The following FCSK variants were observed in gnomAD, a reference collection of about 807,000 sequenced individuals.
FCSK encodes fucose kinase, also known as L-fucose kinase.
FCSK carries 123 observed loss-of-function variants against 122.5 expected under a neutral mutation model. That is an observed-to-expected ratio of 1.00 (90% confidence interval 0.87 to 1.17). FCSK has a LOEUF of 1.17. Ranked by LOEUF, FCSK falls within the 50% of genes most tolerant of loss-of-function variation. The pLI, the probability that FCSK is intolerant of heterozygous loss-of-function variation, is 0.00. For synonymous variants in FCSK, 620 were observed against 625.5 expected, an observed-to-expected ratio of 0.99 and a Z score of 0.13; for missense variants, 1,366 against 1,450.4, an observed-to-expected ratio of 0.94 and a Z score of 0.95.
Position 70,467,908 on chromosome 16 carries a change from A to G in FCSK, c.605A>G (p.Tyr202Cys), listed in dbSNP as rs2048473639. ...TAGGGCCTTGTTTTGGACATTTACT[A>G]CCAGGGCACTGAGGCAGAGATTCAG... Reference protein sequence around the residue: ...DPQGLVLDIYYQGTEAEIQRC... With the variant: ...DPQGLVLDIYCQGTEAEIQRC... The change falls in exon 8 of 24, where the codon TAC becomes TGC. Residue 202 changes from tyrosine to cysteine, a missense_variant. Physicochemically the swap from Tyr to Cys is radical, Grantham distance 194. Coordinates refer to ENST00000288078, the MANE Select transcript of FCSK (RefSeq NM_145059.3). The G allele has an allele frequency of 1.2e-6, 2 of 1,613,996 alleles. No individual in the cohort carries two copies. The highest frequency in any genetic ancestry group is 1.7e-6 in the Non-Finnish European group (2 of 1,179,958).
At chr16:70,478,497 G>T (rs1256487048) in intron 21 of FCSK, 38 bp downstream of exon 21, 2 of 1,612,536 alleles carry the variant, frequency 1.2e-6, no homozygotes, top group Non-Finnish European at 8.5e-7. Flanking sequence ...GCAGGCAGGG[G>T]GCCTGCCAGC....
In FCSK at chr16:70,473,073, G is replaced by A. The variant is rs767661702; in HGVS notation, c.1497G>A (p.Glu499=). Residue 499 remains glutamate, a synonymous_variant, in exon 15 of 24, where the codon GAG becomes GAA. Transcript: ENST00000288078. The surrounding 1 kb of genome is among the most constrained non-coding windows in gnomAD (Gnocchi z 4.9). The part of the protein sequence containing the change: ...RLFPVLHPSR[E]LGPQDLLWML... ...TTCCTGTGCTCCACCCCTCGAGGGA[G>A]CTGGGACCCCAGGACCTGCTGTGGA... 5.0e-6 allele frequency: 8 copies of A among 1,590,926 alleles called. No individual in the cohort carries two copies. The highest frequency in any genetic ancestry group is 6.8e-6 in the Non-Finnish European group (8 of 1,169,602).
At position 70,464,929 on chromosome 16, in the gene FCSK, T is replaced by C; in HGVS notation, c.235-197T>C. 3.5e-6 allele frequency: 4 copies of C among 1,155,988 alleles called. No individual in the cohort carries two copies. The South Asian group carries it at 6.3e-5, about 18-fold the overall frequency. The allele number at this position is 1,155,988 out of a possible 1,614,324, so 71.6% of individuals were successfully genotyped here. On this transcript the variant is annotated intron_variant, in intron 3 of 23. Transcript: ENST00000288078. ...CCAGCCAGCAAGAAGGTGGCCCAGG[T>C]GGAGGGCCCTGGGATCCCTTATCCA...
At chr16:70,469,520 C>A (rs1236254039) in intron 10 of FCSK, among the ~76,000 whole-genome samples, 197 bp downstream of exon 10, 3 of 152,148 alleles carry the variant, frequency 2.0e-5, no homozygotes, top group African/African-American at 7.2e-5. Context: ...TGGGCTCTCC[C>A]AGCCTGTCCA....
chr16:70,463,333 T>C, intron 2 of FCSK, 61 bp downstream of exon 2: 1 of 1,452,686 alleles, frequency 6.9e-7, no homozygotes, highest in Non-Finnish European at 9.6e-7. Context: ...TTCCTGGCTA[T>C]GTCCCTCCAA....
intron 1 of FCSK, chr16:70,462,128 A>G (rs1341456047): frequency 6.6e-6 from 1 of 152,170 alleles, no homozygotes; most frequent in African/African-American, 2.4e-5. Flanking sequence ...TCAAAAGATT[A>G]TATTCCATTT....
chr16:70,479,362 CAGCAAAAGGAGGCCTTGGAGGCG>C lies in FCSK; in HGVS notation c.3113_3135del (p.Gln1038ArgfsTer17). On this transcript the variant is annotated frameshift_variant, in exon 23 of 24. Transcript: ENST00000288078. LOFTEE classifies it high-confidence loss of function. ...TCTCTATCTGTTGACCAAGGAGCCA[CAGCAAAAGGAGGCCTTGGAGGCG>C]GTGCTGGCCAAGACCGAGGTACTGA... is the stretch of plus-strand genomic sequence containing the variant. 6.2e-7 allele frequency: 1 copy of C among 1,613,966 alleles called. No homozygotes were observed. Among genetic ancestry groups the C allele is most frequent in the Non-Finnish European group, 8.5e-7 (1 of 1,180,014 alleles).
intron 8 of FCSK, 142 bp from the exon 9 acceptor site, chr16:70,468,707 C>G (rs12446395): frequency 0.57 from 563,232 of 993,392 alleles, 163,841 homozygotes; most frequent in African/African-American, 0.78. Flanking sequence ...TGGAGTCTGG[C>G]TGCTGGAGTG....
chr16:70,470,398 G>A lies in FCSK; in HGVS notation c.1040G>A (p.Gly347Glu), dbSNP rs2048573948. Residue 347 changes from glycine (G) to glutamate (E), a missense_variant, in exon 11 of 24, where the codon GGG becomes GAG. Gly to Glu is a moderately conservative substitution (Grantham distance 98). Coordinates refer to ENST00000288078, the MANE Select transcript of FCSK (RefSeq NM_145059.3). ...AGCCTCACACTCCCCGGGGCTCCTG[G>A]GGCCCAGATTGTGCACTCCCAGGTG... is the stretch of plus-strand genomic sequence containing the variant. The part of the protein sequence containing the change: ...LLSLTLPGAP[G>E]AQIVHSQVEE... 2 of 1,612,840 alleles carry A rather than the reference G, an allele frequency of 1.2e-6. No individual in the cohort carries two copies. The highest frequency in any genetic ancestry group is 3.3e-5 in the Admixed American group (2 of 59,858).
At chr16:70,456,137 G>A (rs1475517565) in intron 1 of FCSK, among the ~76,000 whole-genome samples, 2 of 152,192 alleles carry the variant, frequency 1.3e-5, no homozygotes. Context: ...ACATCACTGC[G>A]TTCCGCCCTC....
chr16:70,472,406 G>C (rs996288584), intron 13 of FCSK, 135 bp from the exon 14 acceptor site: 2 of 633,554 alleles, frequency 3.2e-6, no homozygotes, highest in Admixed American at 3.0e-5. Context: ...CTCCAGCCTG[G>C]GTGGGTCAAG....
intron 1 of FCSK, among the ~76,000 whole-genome samples, chr16:70,459,223 TA>T (rs10596122): frequency 0.063 from 8,344 of 131,804 alleles, 444 homozygotes; most frequent in African/African-American, 0.15. Flanking sequence ...ACCCTGTCTT[TA>T]AAAAAAAAAA....
intron 11 of FCSK, among the ~76,000 whole-genome samples, chr16:70,470,639 G>A (rs2048583633): frequency 6.6e-6 from 1 of 152,242 alleles, no homozygotes; most frequent in African/African-American, 2.4e-5. Context: ...TCTGCATTGA[G>A]CTTGCCTGAT....
intron 11 of FCSK, 106 bp downstream of exon 11, chr16:70,470,532 C>A (rs1184469737): frequency 1.4e-6 from 1 of 720,938 alleles, no homozygotes. Context: ...GACCCGAGTG[C>A]AGGTGTTACC....
chr16:70,463,719 C>T lies in FCSK; in HGVS notation c.179C>T (p.Thr60Ile), dbSNP rs768975149. The T allele has an allele frequency of 8.7e-6, 14 of 1,612,540 alleles. No homozygotes were observed. ...AAGCGTGTGGGCAGCGGAGGAGCCA[C>T]CCTCAACGCCCTGCTGGTGGCTGCT... ...PEKRVGSGGA[T>I]LNALLVAAEH... is the part of the protein sequence containing the mutation. The change falls in exon 3 of 24, where the codon ACC becomes ATC. Residue 60 changes from threonine to isoleucine, a missense_variant. By Grantham distance (89) the Thr-to-Ile change is moderately conservative (BLOSUM62 -1). Transcript: ENST00000288078.
At chr16:70,467,058 C>T (rs753671432) in intron 6 of FCSK, 104 bp downstream of exon 6, 1 of 1,070,232 alleles carries the variant, frequency 9.3e-7, no homozygotes, top group Non-Finnish European at 1.4e-6. Context: ...CCCCGCTGCC[C>T]TATTAGACGG....
intron 1 of FCSK, among the ~76,000 whole-genome samples, chr16:70,456,044 C>T (rs1435018784): frequency 6.6e-6 from 1 of 151,984 alleles, no homozygotes; most frequent in Non-Finnish European, 1.5e-5. Context: ...TAGCAGGACT[C>T]ATGCATAGTC....
In FCSK at chr16:70,470,455, G is replaced by A. The variant is rs758976985; in HGVS notation, c.1068+29G>A. The A allele has an allele frequency of 4.2e-6, 6 of 1,416,980 alleles. No homozygotes were observed. The South Asian group carries it at 5.9e-5, about 14-fold the overall frequency. The allele number at this position is 1,416,980 out of a possible 1,614,324, so 87.8% of individuals were successfully genotyped here. On this transcript the variant is annotated intron_variant, in intron 11 of 23. Transcript: ENST00000288078. ...AGACCTCCCTGCCCCTCCGGTGCCT[G>A]CTGGTTGTCTGGGGTCAGGTGGGAT... is the stretch of plus-strand genomic sequence containing the variant.
At chr16:70,463,548 C>A in intron 2 of FCSK, 75 bp from the exon 3 acceptor site, 2 of 1,563,416 alleles carry the variant, frequency 1.3e-6, no homozygotes, top group South Asian at 1.2e-5. Flanking sequence ...CACTGATGAT[C>A]AGTAGGCTTG....
Sources: gnomAD v4.1 joint callset for allele counts (sites outside exome capture counted in the v4.1 genomes callset) on GRCh38, gnomAD v4.1.1 for gene constraint, Gnocchi (gnomAD v3.1) non-coding constraint, MANE v1.5 for transcripts, NCBI Gene and HGNC (gene_info 2026-07-23, HGNC 2026-07-21) for gene names.